The following PEMT variants were observed in gnomAD, a reference collection of about 807,000 sequenced individuals.
PEMT encodes the protein phospholipid methyltransferase.
In PEMT, 23 loss-of-function variants were observed where a neutral mutation model predicts 27.4. The observed-to-expected ratio is 0.84, with a 90% confidence interval of 0.60 to 1.19. PEMT has a LOEUF of 1.19. PEMT is among the 50% of genes most tolerant of loss of function. PEMT has a pLI of 0.00. For missense variants in PEMT, 307 were observed against 310.1 expected (o/e 0.99, Z 0.07); for synonymous variants, 137 against 139.1 (o/e 0.98, Z 0.11).
rs1241218758 is a variant in PEMT, at chr17:17,506,929, C to A, written c.579-628G>T. On this transcript the variant is annotated intron_variant, in intron 5 of 6. Coordinates refer to ENST00000255389, the MANE Select transcript of PEMT (RefSeq NM_148172.3). ...AGGTGGTGGGACAGCAGCCCCACGC[C>A]CAGGAGCCCCCGGTCACCCCAGCCC... The A allele has an allele frequency of 3.1e-5, 17 of 540,472 alleles. No individual in the cohort carries two copies. In the Admixed American group the frequency reaches 5.4e-4, roughly 17 times the overall value. 33.5% of individuals were successfully genotyped at this position (540,472 alleles called of 1,614,324 possible). A position where few individuals can be genotyped will look rare whatever the true frequency, so the allele number is the denominator to read the frequency against.
At chr17:17,535,581 A>C (rs997350777) in intron 2 of PEMT, among the ~76,000 whole-genome samples, 2 of 142,670 alleles carry the variant, frequency 1.4e-5, no homozygotes, top group African/African-American at 2.6e-5. Context: ...AAAAAAAAAA[A>C]AGTCCTTACT....
At chr17:17,515,971 TCA>T (rs2142523103) in intron 3 of PEMT, among the ~76,000 whole-genome samples, 1 of 152,258 alleles carries the variant, frequency 6.6e-6, no homozygotes, top group Non-Finnish European at 1.5e-5. Context: ...ATCACTGCCC[TCA>T]GTGTCCCCGC....
chr17:17,591,924 G>A, upstream of PEMT: 20 of 985,452 alleles, frequency 2.0e-5, no homozygotes, highest in Non-Finnish European at 2.4e-5. Context: ...CTCCCGCCCA[G>A]TGCCTTTGGT....
intron 2 of PEMT, among the ~76,000 whole-genome samples, chr17:17,568,313 A>G (rs1280400017): frequency 6.6e-6 from 1 of 152,140 alleles, no homozygotes; most frequent in Non-Finnish European, 1.5e-5. Flanking sequence ...CTCCCCACGC[A>G]TTACCTGGTT....
upstream of PEMT, chr17:17,592,102 GCCCAGGGCCCCACGCC>G (rs1215233298): frequency 1.8e-5 from 18 of 985,050 alleles, no homozygotes; most frequent in Non-Finnish European, 2.0e-5. Flanking sequence ...GGCCCCACAC[GCCCAGGGCCCCACGCC>G]CTCTTCTGAA....
At position 17,517,428 on chromosome 17, in the gene PEMT, A is replaced by G. The variant is rs536902569; in HGVS notation, c.321-4774T>C. 6.6e-5 allele frequency among the ~76,000 whole-genome samples: 10 copies of G among 152,084 alleles called. No homozygotes were observed. In the South Asian group the frequency reaches 2.1e-3, roughly 32 times the overall value. ...CACACGCCCAGCCCTCCATTGCTCC[A>G]TCGGAAGCAAACTGTCCCATCAGCT... On this transcript the variant is annotated intron_variant, in intron 3 of 6. Transcript: ENST00000255389.
In PEMT at chr17:17,512,602, C is replaced by T. The variant is rs1055467279; in HGVS notation, c.373G>A (p.Ala125Thr). The change falls in exon 4 of 7, where the codon GCG (alanine) becomes ACG (threonine). Residue 125 changes from alanine to threonine, a missense_variant. Coordinates refer to ENST00000255389, the MANE Select transcript of PEMT (RefSeq NM_148172.3). This position sits in a 1 kb window ranked among gnomAD's most constrained non-coding sequence, Gnocchi z 6.3. ...AGCGCGAGGCCCAGGCTGTAGGCCG[C>T]GGGGGTGTCCAGGCTCTCCATCCTG... ...QPRMESLDTP[A>T]AYSLGLALLG... 3.9e-5 allele frequency: 62 copies of T among 1,600,240 alleles called. No individual in the cohort carries two copies. The highest frequency in any genetic ancestry group is 1.7e-4 in the Middle Eastern group (1 of 6,050).
At chr17:17,553,504 A>T (rs1257956185) in intron 2 of PEMT, among the ~76,000 whole-genome samples, 1 of 151,846 alleles carries the variant, frequency 6.6e-6, no homozygotes, top group Non-Finnish European at 1.5e-5. Flanking sequence ...TCCCAGAATG[A>T]CCCCTCACAT....
intron 2 of PEMT, among the ~76,000 whole-genome samples, chr17:17,536,216 C>T (rs923209079): frequency 8.5e-5 from 13 of 152,354 alleles, no homozygotes; most frequent in African/African-American, 2.2e-4. Flanking sequence ...GCCAGCCCCA[C>T]GGGGGACGTC....
intron 3 of PEMT, among the ~76,000 whole-genome samples, chr17:17,517,754 T>A (rs1262471658): frequency 6.6e-6 from 1 of 151,932 alleles, no homozygotes; most frequent in African/African-American, 2.4e-5. Flanking sequence ...CTGAGGTGAG[T>A]CCCCACCTGC....
upstream of PEMT, chr17:17,591,879 C>G: frequency 2.0e-6 from 2 of 985,496 alleles, no homozygotes; most frequent in Non-Finnish European, 2.4e-6. Context: ...GCCGGTTCCG[C>G]TGCAGCTACG....
intron 2 of PEMT, among the ~76,000 whole-genome samples, chr17:17,553,977 G>A (rs777271727): frequency 1.4e-4 from 22 of 152,186 alleles, no homozygotes; most frequent in Non-Finnish European, 2.4e-4. Context: ...GGGGTGGGGG[G>A]CTCCTCTGGG....
chr17:17,535,295 T>C (rs775261117), intron 2 of PEMT, among the ~76,000 whole-genome samples: 22 of 152,212 alleles, frequency 1.4e-4, no homozygotes, highest in Non-Finnish European at 2.9e-4. Context: ...TGGCCAGGCA[T>C]AGTGGCTCAC....
At chr17:17,547,083 G>A (rs1036627021) in intron 2 of PEMT, among the ~76,000 whole-genome samples, 2 of 152,274 alleles carry the variant, frequency 1.3e-5, no homozygotes, top group Admixed American at 1.3e-4. Context: ...GGCACCCAAT[G>A]TTCCCTATTA....
At chr17:17,576,897 A>G (rs1045560367) in intron 2 of PEMT, 23 bp downstream of exon 2, 1 of 1,583,054 alleles carries the variant, frequency 6.3e-7, no homozygotes, top group Non-Finnish European at 8.7e-7. Flanking sequence ...TCCCGTCTGG[A>G]CAGTGTCAGG....
At chr17:17,520,017 G>A (rs758126253) in intron 3 of PEMT, among the ~76,000 whole-genome samples, 4 of 152,176 alleles carry the variant, frequency 2.6e-5, no homozygotes, top group African/African-American at 4.8e-5. Flanking sequence ...GAGCAGGAGT[G>A]GTGGAACAGC....
intron 2 of PEMT, among the ~76,000 whole-genome samples, chr17:17,558,779 C>T (rs527243269): frequency 6.6e-6 from 1 of 152,068 alleles, no homozygotes; most frequent in South Asian, 2.1e-4. Context: ...TCCTAGGCCT[C>T]AGGTGCTCCA....
chr17:17,579,716 C>T (rs1911865234), intron 1 of PEMT, among the ~76,000 whole-genome samples: 1 of 152,178 alleles, frequency 6.6e-6, no homozygotes, highest in African/African-American at 2.4e-5. Context: ...CAGGCCCCTC[C>T]TAAGGGATGA....
chr17:17,575,703 T>A (rs919555670), intron 2 of PEMT, among the ~76,000 whole-genome samples: 1 of 152,164 alleles, frequency 6.6e-6, no homozygotes, highest in African/African-American at 2.4e-5. Context: ...TGTGTTTGGC[T>A]ACACCAAGCT....
Sources: allele counts gnomAD v4.1 joint callset (sites outside exome capture counted in the v4.1 genomes callset), GRCh38; gene constraint gnomAD v4.1.1; non-coding constraint Gnocchi (gnomAD v3.1); transcripts MANE v1.5; gene names NCBI Gene and HGNC (gene_info 2026-07-23, HGNC 2026-07-21).